The following NRL variants were observed in gnomAD, a reference collection of about 807,000 sequenced individuals.
NRL encodes the protein neural retina-specific leucine zipper protein.
NRL carries 16 observed loss-of-function variants against 12.5 expected under a neutral mutation model. The ratio of observed to expected loss-of-function variants is 1.28; its 90% CI spans 0.87 to 1.95. NRL has a LOEUF of 1.95. NRL is among the 30% of genes most tolerant of loss of function. NRL has a pLI of 0.00. For missense variants in NRL, 314 were observed against 325.8 expected (o/e 0.96, Z 0.28); for synonymous variants, 142 against 150.9 (o/e 0.94, Z 0.43).
chr14:24,094,671 C>A lies in NRL; in HGVS notation c.-27-11796G>T. 6.6e-7 allele frequency: 1 copy of A among 1,515,112 alleles called. No homozygotes were observed. Among genetic ancestry groups the A allele is most frequent in the South Asian group, 1.2e-5 (1 of 81,190 alleles). 93.9% of individuals were successfully genotyped at this position (1,515,112 alleles called of 1,614,324 possible). On this transcript the variant is annotated intron_variant, in intron 1 of 2. Transcript: ENST00000561028. This position sits in a 1 kb window ranked among gnomAD's most constrained non-coding sequence, Gnocchi z 4.1. ...CCTTCTCTGCCTCGCTCGCCTCTGA[C>A]CGCGCGATCTCTATCTGCCACTCTC...
At chr14:24,099,922 G>A in intron 1 of NRL, 2 of 1,613,410 alleles carry the variant, frequency 1.2e-6, no homozygotes, top group Non-Finnish European at 1.7e-6. Flanking sequence ...GGTGGGTGGA[G>A]CAGGACCTTC....
chr14:24,094,758 C>T lies in NRL; in HGVS notation c.-27-11883G>A. On this transcript the variant is annotated intron_variant, in intron 1 of 2. Transcript: ENST00000561028. This position sits in a 1 kb window ranked among gnomAD's most constrained non-coding sequence, Gnocchi z 4.1. ...CCAGGTCTCCGCATATCCTCCTTTCCTTCCCAGATACCTCCCTCGGACCTC... is the reference window on the plus strand; with the variant it reads ...CCAGGTCTCCGCATATCCTCCTTTCTTTCCCAGATACCTCCCTCGGACCTC... The T allele has an allele frequency of 6.9e-7, 1 of 1,446,976 alleles. No individual in the cohort carries two copies. Among genetic ancestry groups the T allele is most frequent in the Non-Finnish European group, 9.2e-7 (1 of 1,090,202 alleles). 89.6% of individuals were successfully genotyped at this position (1,446,976 alleles called of 1,614,324 possible).
rs966971248 is a variant in NRL, at chr14:24,081,625, T to G, written c.382-57A>C. On this transcript the variant is annotated intron_variant, in intron 2 of 2. Transcript: ENST00000561028. This position sits in a 1 kb window ranked among gnomAD's most constrained non-coding sequence, Gnocchi z 4.4. Reference sequence around the variant, plus strand: ...CGCCAGGTCGCACCCGGCTCTGCCCTGAGGGCCCGACGCTACCTGGCTCCG... The same window carrying G: ...CGCCAGGTCGCACCCGGCTCTGCCCGGAGGGCCCGACGCTACCTGGCTCCG... 1.0e-5 allele frequency: 16 copies of G among 1,545,696 alleles called. No individual in the cohort carries two copies. The Admixed American group carries it at 3.1e-4, about 30-fold the overall frequency.
intron 1 of NRL, among the ~76,000 whole-genome samples, chr14:24,107,221 A>G (rs1263334204): frequency 6.6e-6 from 1 of 152,234 alleles, no homozygotes; most frequent in Non-Finnish European, 1.5e-5. Flanking sequence ...CAGGGACAAG[A>G]AAGTGTTAGC....
intron 1 of NRL, chr14:24,102,688 A>G (rs2037208368): frequency 7.3e-7 from 1 of 1,371,772 alleles, no homozygotes; most frequent in African/African-American, 1.5e-5. Context: ...ATGTGTGCCC[A>G]TGTATGTGTG....
At chr14:24,099,349 G>A (rs1010805678) in intron 1 of NRL, 17 of 1,140,830 alleles carry the variant, frequency 1.5e-5, no homozygotes, top group African/African-American at 3.1e-5. Flanking sequence ...GGTGGGCGGG[G>A]ACTCTACTTG....
chr14:24,112,532 GA>G (rs1198420556), intron 1 of NRL, among the ~76,000 whole-genome samples: 1 of 111,104 alleles, frequency 9.0e-6, no homozygotes, highest in Non-Finnish European at 1.8e-5. Context: ...AAATTTACAA[GA>G]AAAAAACAAA....
At chr14:24,087,999 GC>G (rs1224911002) in intron 1 of NRL, among the ~76,000 whole-genome samples, 1 of 152,110 alleles carries the variant, frequency 6.6e-6, no homozygotes, top group East Asian at 1.9e-4. Flanking sequence ...CTGCACTCTA[GC>G]TTTGGAGACA....
At chr14:24,102,937 G>C (rs780533661) in intron 1 of NRL, 1 of 1,571,616 alleles carries the variant, frequency 6.4e-7, no homozygotes, top group Non-Finnish European at 8.7e-7. Context: ...GGCTATCTCT[G>C]TATTAGGGCC....
intron 1 of NRL, 73 bp from the exon 2 acceptor site, chr14:24,082,948 C>G (rs1471373609): frequency 6.9e-7 from 1 of 1,449,058 alleles, no homozygotes; most frequent in African/African-American, 1.4e-5. Context: ...TCCCTCTTCC[C>G]TCAAAGCCCA....
At chr14:24,099,479 C>T (rs973130588) in intron 1 of NRL, 1 of 1,354,310 alleles carries the variant, frequency 7.4e-7, no homozygotes, top group African/African-American at 1.5e-5. Context: ...CCTATTAGAC[C>T]CTAGCTGCCC....
chr14:24,102,912 T>C, intron 1 of NRL: 1 of 1,608,154 alleles, frequency 6.2e-7, no homozygotes, highest in Non-Finnish European at 8.5e-7. Flanking sequence ...ATGAGCTCCA[T>C]GTTCTTGGCA....
intron 1 of NRL, among the ~76,000 whole-genome samples, chr14:24,089,940 C>T (rs903361517): frequency 6.6e-6 from 1 of 152,094 alleles, no homozygotes; most frequent in Non-Finnish European, 1.5e-5. Context: ...GAGTAGAAAG[C>T]CTGGAAGGTG....
In NRL at chr14:24,082,722, G is replaced by A. The variant is rs754374196; in HGVS notation, c.127C>T (p.Pro43Ser). The change falls in exon 2 of 3, where the codon CCT becomes TCT. Residue 43 changes from proline to serine, a missense_variant. Pro to Ser is a moderately conservative substitution (Grantham distance 74, BLOSUM62 -1). Transcript: ENST00000561028. ...GPPTASLGSTPYSSVPPSPTF... is the reference protein window; with the variant it reads ...GPPTASLGSTSYSSVPPSPTF... ...GGTGAAGGAGGCACTGAGCTGTAAG[G>A]TGTGGAGCCCAGTGAGGCTGTAGGG... 1 of 1,614,102 alleles carries A rather than the reference G, an allele frequency of 6.2e-7. No homozygotes were observed. Among genetic ancestry groups the A allele is most frequent in the Non-Finnish European group, 8.5e-7 (1 of 1,180,052 alleles).
At chr14:24,108,814 G>A (rs182225102) in intron 1 of NRL, among the ~76,000 whole-genome samples, 1 of 152,150 alleles carries the variant, frequency 6.6e-6, no homozygotes, top group Non-Finnish European at 1.5e-5. Context: ...CATCGACACA[G>A]AGAATACTAT....
chr14:24,094,909 T>G lies in NRL; in HGVS notation c.-27-12034A>C. ...AAGAAGGTGGAAGGTTAAATATCCA[T>G]TCCCGGCCTCTCCCGGACTGGAAGG... On this transcript the variant is annotated intron_variant, in intron 1 of 2. Transcript: ENST00000561028. The surrounding 1 kb of genome is among the most constrained non-coding windows in gnomAD (Gnocchi z 4.1). The G allele has an allele frequency of 8.6e-6, 10 of 1,159,870 alleles. No homozygotes were observed. Among genetic ancestry groups the G allele is most frequent in the Admixed American group, 2.3e-5 (1 of 42,622 alleles). The allele number at this position is 1,159,870 out of a possible 1,614,324, so 71.8% of individuals were successfully genotyped here.
rs747909133 is a variant in NRL, at chr14:24,099,784, T to C, written c.-28+14938A>G. The C allele has an allele frequency of 2.0e-6, 3 of 1,533,806 alleles. No homozygotes were observed. The Admixed American group carries it at 5.0e-5, about 26-fold the overall frequency. ...TGTCAGAGCCTCGGGGTCTCCTCTCTAGTGTTCACAATGACTTTGTCAGTG... is the reference window on the plus strand; with the variant it reads ...TGTCAGAGCCTCGGGGTCTCCTCTCCAGTGTTCACAATGACTTTGTCAGTG... On this transcript the variant is annotated intron_variant, in intron 1 of 2. Transcript: ENST00000561028.
intron 1 of NRL, among the ~76,000 whole-genome samples, chr14:24,106,281 A>C (rs1484314881): frequency 1.3e-5 from 2 of 152,224 alleles, no homozygotes; most frequent in Admixed American, 1.3e-4. Context: ...TTCAACAAAT[A>C]AAATGGAATT....
At chr14:24,089,863 C>G (rs2036567404) in intron 1 of NRL, among the ~76,000 whole-genome samples, 1 of 152,094 alleles carries the variant, frequency 6.6e-6, no homozygotes, top group Non-Finnish European at 1.5e-5. Flanking sequence ...ACAACATATG[C>G]AAAGGTTGTG....
Sources: gnomAD v4.1 joint callset for allele counts (sites outside exome capture counted in the v4.1 genomes callset) on GRCh38, gnomAD v4.1.1 for gene constraint, Gnocchi (gnomAD v3.1) non-coding constraint, MANE v1.5 for transcripts, NCBI Gene and HGNC (gene_info 2026-07-23, HGNC 2026-07-21) for gene names.